SMARCA2: variants seen among roughly 807,000 people sequenced by gnomAD.
The protein encoded by SMARCA2 is SWI/SNF-related matrix-associated actin-dependent regulator of chromatin subfamily A member 2.
In SMARCA2, 61 loss-of-function variants were observed where a neutral mutation model predicts 199.8. That is an observed-to-expected ratio of 0.31 (90% CI 0.25 to 0.38). The LOEUF is 0.38. SMARCA2 is among the 10% of genes least tolerant of loss of function. SMARCA2 has a pLI of 1.00. For synonymous variants in SMARCA2, 935 were observed against 732.0 expected (o/e 1.28, Z -4.48); for missense variants, 1,344 against 2,012.2 (o/e 0.67, Z 6.35).
At chr9:2,070,233 A>G (rs1287321056) in intron 9 of SMARCA2, among the ~76,000 whole-genome samples, 185 bp from the exon 10 acceptor site, 1 of 152,188 alleles carries the variant, frequency 6.6e-6, no homozygotes, top group Non-Finnish European at 1.5e-5. Context: ...ACTCTCTACA[A>G]GTTGCTAATA....
At chr9:2,180,628 A>G (rs1826957566) in intron 29 of SMARCA2, among the ~76,000 whole-genome samples, 1 of 152,236 alleles carries the variant, frequency 6.6e-6, no homozygotes, top group African/African-American at 2.4e-5. Context: ...AAATGACTGT[A>G]TCACACACCA....
chr9:2,088,879 A>ATTTTTTTTTTTTTTTTTTTT (rs375056248), intron 19 of SMARCA2, among the ~76,000 whole-genome samples: 4 of 137,974 alleles, frequency 2.9e-5, no homozygotes, highest in Admixed American at 7.2e-5. Context: ...TTAATTTTAG[A>ATTTTTTTTTTTTTTTTTTTT]TTTTTTTTTT....
At chr9:2,138,959 C>T (rs1222472171) in intron 27 of SMARCA2, among the ~76,000 whole-genome samples, 1 of 152,128 alleles carries the variant, frequency 6.6e-6, no homozygotes, top group East Asian at 1.9e-4. Flanking sequence ...GCAGGCTTGA[C>T]AACTAAGGGT....
rs377601894 is a variant in SMARCA2, at chr9:2,172,530, C to A, written c.4253+2058C>A. Among the ~76,000 whole-genome samples, 16 of 152,182 alleles carry A rather than the reference C, an allele frequency of 1.1e-4. No homozygotes were observed. In the South Asian group the frequency reaches 1.7e-3, roughly 16 times the overall value. ...TCCCCCTCTAGAGACTACACCATCT[C>A]AGTGTGACCAGCTCATTGGAGACGA... On this transcript the variant is annotated intron_variant, in intron 29 of 33. Transcript: ENST00000349721.
At chr9:2,185,382 GTA>G (rs1439944370) in intron 31 of SMARCA2, among the ~76,000 whole-genome samples, 1 of 152,144 alleles carries the variant, frequency 6.6e-6, no homozygotes, top group Non-Finnish European at 1.5e-5. Flanking sequence ...TCCATTAAAT[GTA>G]TAGACTATAG....
chr9:2,114,941 A>G (rs992657414), intron 24 of SMARCA2, among the ~76,000 whole-genome samples: 4 of 152,148 alleles, frequency 2.6e-5, no homozygotes, highest in African/African-American at 9.7e-5. Flanking sequence ...CACTTATGTC[A>G]TTAAATCTCC....
rs372452577 is a variant in SMARCA2, at chr9:2,143,650, A to C, written c.3982-18036A>C. 1.5e-4 allele frequency among the ~76,000 whole-genome samples: 23 copies of C among 152,218 alleles called. 1 individual carries two copies. The highest frequency in any genetic ancestry group is 1.1e-3 in the Admixed American group (17 of 15,278). On this transcript the variant is annotated intron_variant, in intron 27 of 33. Transcript: ENST00000349721. ...CAAATAGGACTGCAGGGATGTGATA[A>C]GGGAAACTGATCATTTTAAAGATTT...
At chr9:2,135,121 A>G (rs916426152) in intron 27 of SMARCA2, among the ~76,000 whole-genome samples, 4 of 152,218 alleles carry the variant, frequency 2.6e-5, no homozygotes, top group South Asian at 4.1e-4. Flanking sequence ...AAGGACTGAG[A>G]ACCAGAGCAG....
At chr9:2,019,392 C>T (rs73377052) in intron 1 of SMARCA2, among the ~76,000 whole-genome samples, 1 of 151,674 alleles carries the variant, frequency 6.6e-6, no homozygotes, top group East Asian at 1.9e-4. Context: ...ATGTTCAAAG[C>T]AGCCTTAGAT....
Position 2,169,047 on chromosome 9 carries a change from A to G in SMARCA2, c.4200-1372A>G, listed in dbSNP as rs745774290. ...CTTCTGTGTCTCCTTGGTCAGCACC[A>G]TCATTAGCCCAAGGTCCTAAAAGTG... On this transcript the variant is annotated intron_variant, in intron 28 of 33. Transcript: ENST00000349721. This position sits in a 1 kb window ranked among gnomAD's most constrained non-coding sequence, Gnocchi z 6.5. Among the ~76,000 whole-genome samples, 9 of 152,204 alleles carry G rather than the reference A, an allele frequency of 5.9e-5. No individual in the cohort carries two copies. Among genetic ancestry groups the G allele is most frequent in the Non-Finnish European group, 1.0e-4 (7 of 68,036 alleles).
At chr9:2,145,017 G>A (rs1161937973) in intron 27 of SMARCA2, among the ~76,000 whole-genome samples, 5 of 152,130 alleles carry the variant, frequency 3.3e-5, no homozygotes, top group Non-Finnish European at 1.5e-5. Context: ...TTAGAGAAAC[G>A]CGCTGGTTAT....
chr9:2,092,617 G>C (rs1586696907), intron 19 of SMARCA2, among the ~76,000 whole-genome samples: 1 of 152,204 alleles, frequency 6.6e-6, no homozygotes, highest in East Asian at 1.9e-4. Context: ...GGGTATATAA[G>C]AAGAAATGCT....
chr9:2,182,666 TG>T (rs1827133939), intron 31 of SMARCA2, among the ~76,000 whole-genome samples: 3 of 151,924 alleles, frequency 2.0e-5, no homozygotes, highest in Non-Finnish European at 2.9e-5. Flanking sequence ...GGCTGATTTT[TG>T]TATTTGTAGT....
At chr9:2,029,286 A>T in intron 2 of SMARCA2, 39 bp downstream of exon 2, 1 of 1,575,914 alleles carries the variant, frequency 6.3e-7, no homozygotes. Context: ...AACTTCTGAT[A>T]AGTGGATGGC....
chr9:2,119,243 T>G lies in SMARCA2; in HGVS notation c.3685-215T>G, dbSNP rs985986486. ...CCAGGAGAACTCATATTTCTTATAG[T>G]GGACCACAGTTTCCTCCCTGAACGG... On this transcript the variant is annotated intron_variant, in intron 25 of 33. Transcript: ENST00000349721. The surrounding 1 kb of genome is among the most constrained non-coding windows in gnomAD (Gnocchi z 4.6). Among the ~76,000 whole-genome samples the G allele has an allele frequency of 1.3e-5, 2 of 152,238 alleles. No homozygotes were observed. Among genetic ancestry groups the G allele is most frequent in the African/African-American group, 4.8e-5 (2 of 41,462 alleles).
chr9:2,094,485 C>G (rs1482660568), intron 19 of SMARCA2, among the ~76,000 whole-genome samples: 1 of 152,192 alleles, frequency 6.6e-6, no homozygotes, highest in Non-Finnish European at 1.5e-5. Context: ...CCCAAATGCA[C>G]AAGCATCAGC....
intron 29 of SMARCA2, chr9:2,181,322 C>G: frequency 3.2e-6 from 1 of 308,384 alleles, no homozygotes; most frequent in South Asian, 4.2e-5. Context: ...AAGGGAAATC[C>G]ACAGTGTATT....
At chr9:2,021,032 T>C (rs1197043120) in intron 1 of SMARCA2, among the ~76,000 whole-genome samples, 3 of 152,222 alleles carry the variant, frequency 2.0e-5, no homozygotes, top group Non-Finnish European at 4.4e-5. Flanking sequence ...AATTGTAATC[T>C]GGCCGTATAC....
At chr9:2,128,460 C>T (rs919041353) in intron 27 of SMARCA2, among the ~76,000 whole-genome samples, 1 of 152,196 alleles carries the variant, frequency 6.6e-6, no homozygotes, top group Non-Finnish European at 1.5e-5. Context: ...AGTCTGCAAA[C>T]TCTCCTTGAC....
Sources: gnomAD v4.1 joint callset for allele counts (sites outside exome capture counted in the v4.1 genomes callset) on GRCh38, gnomAD v4.1.1 for gene constraint, Gnocchi (gnomAD v3.1) non-coding constraint, MANE v1.5 for transcripts, NCBI Gene and HGNC (gene_info 2026-07-23, HGNC 2026-07-21) for gene names.